PARD3B: variants seen among roughly 807,000 people sequenced by gnomAD.
PARD3B encodes the protein partitioning defective 3 homolog B.
In PARD3B, 103 loss-of-function variants were observed where a neutral mutation model predicts 130.2. The observed-to-expected ratio is 0.79, with a 90% CI of 0.67 to 0.93. The LOEUF is 0.93. Among genes scored for constraint, PARD3B ranks in the 40% least tolerant of loss-of-function variants. The pLI is 0.00. For missense variants in PARD3B, 1,609 were observed against 1,499.2 expected (o/e 1.07, Z -1.21); for synonymous variants, 583 against 553.2 (o/e 1.05, Z -0.76).
intron 2 of PARD3B, among the ~76,000 whole-genome samples, chr2:204,802,416 T>C (rs1457193050): frequency 1.3e-5 from 2 of 152,096 alleles, no homozygotes; most frequent in African/African-American, 4.8e-5. Flanking sequence ...GCTCAACCAT[T>C]GTGGAAGACA....
chr2:204,669,405 A>G lies in PARD3B; in HGVS notation c.121-16776A>G, dbSNP rs2036178405. On this transcript the variant is annotated intron_variant, in intron 1 of 22. Coordinates refer to ENST00000406610, the MANE Select transcript of PARD3B (RefSeq NM_001302769.2). The surrounding 1 kb of genome is among the most constrained non-coding windows in gnomAD (Gnocchi z 4.3). ...TTATATCCACTTTTATCAATATATA[A>G]TTATTATCTAAGTACATTTTGGCAT... 6.6e-6 allele frequency among the ~76,000 whole-genome samples: 1 copy of G among 152,124 alleles called. No homozygotes were observed. The highest frequency in any genetic ancestry group is 1.5e-5 in the Non-Finnish European group (1 of 68,022).
At chr2:204,983,961 C>T (rs1295861616) in intron 3 of PARD3B, among the ~76,000 whole-genome samples, 1 of 151,986 alleles carries the variant, frequency 6.6e-6, no homozygotes, top group Non-Finnish European at 1.5e-5. Context: ...CCGTCCCCTC[C>T]TCTGTATGGA....
At position 205,176,332 on chromosome 2, in the gene PARD3B, G is replaced by A. The variant is rs2035465973; in HGVS notation, c.1792-113G>A. 2 of 1,077,980 alleles carry A rather than the reference G, an allele frequency of 1.9e-6. No individual in the cohort carries two copies. The highest frequency in any genetic ancestry group is 1.8e-5 in the South Asian group (1 of 56,202). The allele number at this position is 1,077,980 out of a possible 1,614,324, so 66.8% of individuals were successfully genotyped here. ...AGTTTCCACAGTTGAGGACTTAAGT[G>A]TAATAGACTCTTGAAAGACTATTCA... On this transcript the variant is annotated intron_variant, in intron 12 of 22. Coordinates refer to ENST00000406610, the MANE Select transcript of PARD3B (RefSeq NM_001302769.2). The surrounding 1 kb of genome is among the most constrained non-coding windows in gnomAD (Gnocchi z 5.3).
chr2:205,100,450 C>T (rs765171831), intron 4 of PARD3B, among the ~76,000 whole-genome samples: 7 of 151,518 alleles, frequency 4.6e-5, no homozygotes, highest in Non-Finnish European at 1.0e-4. Context: ...AGCAAAAACC[C>T]AACTGTTTTT....
At chr2:205,360,363 A>G (rs1351162153) in intron 18 of PARD3B, among the ~76,000 whole-genome samples, 2 of 152,148 alleles carry the variant, frequency 1.3e-5, no homozygotes, top group Non-Finnish European at 2.9e-5. Flanking sequence ...AATCAAGTAC[A>G]TCATATTATT....
Position 204,865,393 on chromosome 2 carries a change from A to T in PARD3B, c.223-99759A>T, listed in dbSNP as rs1477736535. On this transcript the variant is annotated intron_variant, in intron 2 of 22. Coordinates refer to ENST00000406610, the MANE Select transcript of PARD3B (RefSeq NM_001302769.2). ...AAATGACTTCCATATGCAAATGCCC[A>T]TCAATCAACAAATGGATAAAGCAAA... Among the ~76,000 whole-genome samples the T allele has an allele frequency of 2.6e-5, 4 of 152,242 alleles. No homozygotes were observed. In the East Asian group the frequency reaches 7.7e-4, roughly 29 times the overall value.
Position 205,224,385 on chromosome 2 carries a change from A to AAAAAAAAAAAAAAG in PARD3B, c.2141-21390_2141-21389insAAAAAAAAAAGAAA, listed in dbSNP as rs1164513653. On this transcript the variant is annotated intron_variant, in intron 15 of 22. Transcript: ENST00000406610. ...GACTCCGTCTCAAAAAAAAAAAAAA[A>AAAAAAAAAAAAAAG]AAAGAAAGAAAGAAAGAAAAAGAAA... 8.4e-4 allele frequency among the ~76,000 whole-genome samples: 124 copies of AAAAAAAAAAAAAAG among 147,542 alleles called. 4 individuals carry two copies. The highest frequency in any genetic ancestry group is 3.1e-3 in the African/African-American group (123 of 39,626).
chr2:204,652,945 C>T (rs1335065053), intron 1 of PARD3B, among the ~76,000 whole-genome samples: 3 of 151,066 alleles, frequency 2.0e-5, no homozygotes, highest in Non-Finnish European at 4.4e-5. Context: ...ACTATCATGA[C>T]AATAGCAGGG....
chr2:205,237,136 G>C (rs1035602671), intron 15 of PARD3B, among the ~76,000 whole-genome samples: 1 of 152,120 alleles, frequency 6.6e-6, no homozygotes, highest in Non-Finnish European at 1.5e-5. Context: ...TTTTGCCCTT[G>C]TCGTCCAGGC....
chr2:204,979,134 A>T (rs1692449195), intron 3 of PARD3B, among the ~76,000 whole-genome samples: 1 of 151,450 alleles, frequency 6.6e-6, no homozygotes, highest in South Asian at 2.1e-4. Context: ...TGAACCTGGG[A>T]GGCGGAGCTT....
Position 205,606,568 on chromosome 2 carries a change from C to T in PARD3B, c.3261-8888C>T, listed in dbSNP as rs144869087. Among the ~76,000 whole-genome samples the T allele has an allele frequency of 3.3e-4, 51 of 152,240 alleles. 2 individuals carry two copies. Among genetic ancestry groups the T allele is most frequent in the African/African-American group, 1.2e-3 (49 of 41,556 alleles). On this transcript the variant is annotated intron_variant, in intron 22 of 22. Coordinates refer to ENST00000406610, the MANE Select transcript of PARD3B (RefSeq NM_001302769.2). ...AGTTGGCCATCTTGGCCCCTCCCCA[C>T]CAAAATCACACTCTTTAATCCTTCC... is the stretch of plus-strand genomic sequence containing the variant.
chr2:204,593,699 G>C (rs548530924), intron 1 of PARD3B, among the ~76,000 whole-genome samples: 1 of 152,306 alleles, frequency 6.6e-6, no homozygotes, highest in African/African-American at 2.4e-5. Flanking sequence ...AAACTCAGGA[G>C]TCAGAAGTAT....
chr2:204,787,305 A>G (rs937429949), intron 2 of PARD3B, among the ~76,000 whole-genome samples: 1 of 151,984 alleles, frequency 6.6e-6, no homozygotes, highest in Non-Finnish European at 1.5e-5. Flanking sequence ...CCTGTTAGAG[A>G]CCCCTCAACT....
intron 4 of PARD3B, among the ~76,000 whole-genome samples, chr2:205,083,451 C>T (rs1174630901): frequency 6.6e-6 from 1 of 151,672 alleles, no homozygotes; most frequent in Non-Finnish European, 1.5e-5. Flanking sequence ...TAAAAATCAA[C>T]ATCATGGTAG....
chr2:205,267,250 T>C (rs1369555562), intron 16 of PARD3B, among the ~76,000 whole-genome samples: 1 of 152,172 alleles, frequency 6.6e-6, no homozygotes, highest in Non-Finnish European at 1.5e-5. Context: ...TCTTGCAAAT[T>C]ATGGCATAAA....
At chr2:205,582,167 G>A (rs969591172) in intron 22 of PARD3B, among the ~76,000 whole-genome samples, 7 of 152,190 alleles carry the variant, frequency 4.6e-5, no homozygotes, top group African/African-American at 1.7e-4. Flanking sequence ...CTTAGCTCAT[G>A]TAAGTGAAGT....
intron 4 of PARD3B, among the ~76,000 whole-genome samples, chr2:205,068,504 T>C (rs1700527378): frequency 6.6e-6 from 1 of 152,140 alleles, no homozygotes; most frequent in Non-Finnish European, 1.5e-5. Flanking sequence ...TTTCATTCTT[T>C]TCCAGTTTAT....
rs554352013 is a variant in PARD3B at position 204,872,005 on chromosome 2, A to G, written c.223-93147A>G. 2.0e-5 allele frequency among the ~76,000 whole-genome samples: 3 copies of G among 152,260 alleles called. No individual in the cohort carries two copies. The South Asian group carries it at 6.2e-4, about 32-fold the overall frequency. ...TATCATTTACTACTGAGCAACTCAA[A>G]AAACAAAAACCCAAACTCCCAAAAT... is the stretch of plus-strand genomic sequence containing the variant. On this transcript the variant is annotated intron_variant, in intron 2 of 22. Coordinates refer to ENST00000406610, the MANE Select transcript of PARD3B (RefSeq NM_001302769.2).
At chr2:205,532,849 G>T (rs148056859) in intron 21 of PARD3B, among the ~76,000 whole-genome samples, 1 of 152,080 alleles carries the variant, frequency 6.6e-6, no homozygotes, top group Non-Finnish European at 1.5e-5. Context: ...CCTTCTCTGC[G>T]AATCATTCCT....
Sources: gnomAD v4.1 joint callset for allele counts (sites outside exome capture counted in the v4.1 genomes callset) on GRCh38, gnomAD v4.1.1 for gene constraint, Gnocchi (gnomAD v3.1) non-coding constraint, MANE v1.5 for transcripts, NCBI Gene and HGNC (gene_info 2026-07-23, HGNC 2026-07-21) for gene names.